The following UBTD1 variants were observed in gnomAD, a reference collection of about 807,000 sequenced individuals.
UBTD1 encodes the protein ubiquitin domain-containing protein 1.
UBTD1 carries 19 observed loss-of-function variants against 21.7 expected under a neutral mutation model. The observed-to-expected ratio is 0.87, with a 90% CI of 0.61 to 1.28. The LOEUF is 1.28. Ranked by LOEUF, UBTD1 falls within the 50% of genes most tolerant of loss-of-function variation. The pLI, the probability that UBTD1 is intolerant of heterozygous loss-of-function variation, is 0.00. For synonymous variants in UBTD1, 116 were observed against 135.1 expected, an observed-to-expected ratio of 0.86 and a Z score of 0.98; for missense variants, 282 against 315.1, an observed-to-expected ratio of 0.89 and a Z score of 0.80.
chr10:97,534,583 A>G (rs202247424), intron 1 of UBTD1, among the ~76,000 whole-genome samples: 18 of 33,100 alleles, frequency 5.4e-4, no homozygotes, highest in African/African-American at 6.8e-4. Flanking sequence ...GCGCGCGCAC[A>G]CACACACACA....
At chr10:97,556,334 G>A (rs1564743823) in intron 1 of UBTD1, among the ~76,000 whole-genome samples, 1 of 152,018 alleles carries the variant, frequency 6.6e-6, no homozygotes, top group Non-Finnish European at 1.5e-5. Flanking sequence ...CAATTAGTAA[G>A]GTTAAATTTT....
At chr10:97,526,696 C>G (rs893451825) in intron 1 of UBTD1, among the ~76,000 whole-genome samples, 4 of 151,280 alleles carry the variant, frequency 2.6e-5, no homozygotes, top group Admixed American at 2.6e-4. Flanking sequence ...ACTAAAAATA[C>G]AAAAGTCAGC....
At chr10:97,530,355 T>C (rs1290217695) in intron 1 of UBTD1, among the ~76,000 whole-genome samples, 1 of 152,216 alleles carries the variant, frequency 6.6e-6, no homozygotes, top group Non-Finnish European at 1.5e-5. Context: ...GGGGGAATGC[T>C]GGAGCCCAGG....
In UBTD1 at chr10:97,507,446, G is replaced by A. The variant is rs574688576; in HGVS notation, c.70+8173G>A. ...GAGGCCAGGAGTTCAAGAAAAACCCGGGCCACATAGTGAGACCTCGTCTCT... is the reference window on the plus strand; with the variant it reads ...GAGGCCAGGAGTTCAAGAAAAACCCAGGCCACATAGTGAGACCTCGTCTCT... On this transcript the variant is annotated intron_variant, in intron 1 of 2. Coordinates refer to ENST00000370664, the MANE Select transcript of UBTD1 (RefSeq NM_024954.5). Among the ~76,000 whole-genome samples the A allele has an allele frequency of 1.1e-4, 17 of 151,280 alleles. 1 individual carries two copies. The highest frequency in any genetic ancestry group is 6.8e-3 in the Middle Eastern group (2 of 294).
At chr10:97,541,700 G>A (rs1458343311) in intron 1 of UBTD1, among the ~76,000 whole-genome samples, 2 of 149,024 alleles carry the variant, frequency 1.3e-5, no homozygotes, top group African/African-American at 2.5e-5. Flanking sequence ...AGGGGGTGGA[G>A]TTGGGAGTTA....
chr10:97,550,642 G>T (rs1348243618), intron 1 of UBTD1, among the ~76,000 whole-genome samples: 1 of 152,184 alleles, frequency 6.6e-6, no homozygotes, highest in Non-Finnish European at 1.5e-5. Flanking sequence ...GATCTATTCA[G>T]CTAGGGTCTG....
At chr10:97,526,326 A>C (rs183962969) in intron 1 of UBTD1, among the ~76,000 whole-genome samples, 67 of 152,362 alleles carry the variant, frequency 4.4e-4, no homozygotes, top group Non-Finnish European at 1.0e-4. Context: ...GGACTTTATC[A>C]TAGAGAATGA....
At chr10:97,504,409 A>G (rs1451135191) in intron 1 of UBTD1, among the ~76,000 whole-genome samples, 2 of 152,154 alleles carry the variant, frequency 1.3e-5, no homozygotes, top group Non-Finnish European at 2.9e-5. Flanking sequence ...TTCTTAAGCC[A>G]TCTCATGCTC....
intron 1 of UBTD1, among the ~76,000 whole-genome samples, chr10:97,532,482 C>T (rs10882956): frequency 0.2 from 29,818 of 151,410 alleles, 3,371 homozygotes; most frequent in East Asian, 0.49. Context: ...CCCGTCTTTA[C>T]TAAAAATACA....
chr10:97,516,329 G>T lies in UBTD1; in HGVS notation c.70+17056G>T, dbSNP rs1890969. On this transcript the variant is annotated intron_variant, in intron 1 of 2. Coordinates refer to ENST00000370664, the MANE Select transcript of UBTD1 (RefSeq NM_024954.5). Reference sequence around the variant, plus strand: ...GGCCTCCCTCTTACAGAGGACCCAGGCTTCTCCTCTTACATGTCGGCGTGT... The same window carrying T: ...GGCCTCCCTCTTACAGAGGACCCAGTCTTCTCCTCTTACATGTCGGCGTGT... Among the ~76,000 whole-genome samples, 44 of 152,030 alleles carry T rather than the reference G, an allele frequency of 2.9e-4. No homozygotes were observed. In the South Asian group the frequency reaches 8.7e-3, roughly 30 times the overall value.
chr10:97,545,093 G>A (rs1282118447), intron 1 of UBTD1, among the ~76,000 whole-genome samples: 1 of 151,960 alleles, frequency 6.6e-6, no homozygotes, highest in Admixed American at 6.6e-5. Context: ...CTAGCACTTT[G>A]GGAGGCTGAG....
intron 1 of UBTD1, among the ~76,000 whole-genome samples, chr10:97,520,211 G>A (rs1219049933): frequency 6.6e-6 from 1 of 152,184 alleles, no homozygotes; most frequent in East Asian, 1.9e-4. Flanking sequence ...CAGTGATGGT[G>A]GATGCTGTTT....
chr10:97,501,112 C>T (rs2040374742), intron 1 of UBTD1, among the ~76,000 whole-genome samples: 1 of 152,142 alleles, frequency 6.6e-6, no homozygotes, highest in South Asian at 2.1e-4. Flanking sequence ...GCAAACCTGC[C>T]CCTTGCCACC....
intron 1 of UBTD1, among the ~76,000 whole-genome samples, chr10:97,528,800 G>T (rs1266680877): frequency 7.1e-6 from 1 of 141,366 alleles, no homozygotes; most frequent in Non-Finnish European, 1.6e-5. Context: ...CCCGGACGGG[G>T]CGGCTGGCCG....
intron 1 of UBTD1, among the ~76,000 whole-genome samples, chr10:97,504,021 A>G (rs2040388404): frequency 6.6e-6 from 1 of 152,012 alleles, no homozygotes; most frequent in South Asian, 2.1e-4. Flanking sequence ...TTCCCATCCC[A>G]GTTCATGATG....
intron 1 of UBTD1, among the ~76,000 whole-genome samples, chr10:97,519,160 T>G (rs2040456755): frequency 6.6e-6 from 1 of 152,226 alleles, no homozygotes; most frequent in Non-Finnish European, 1.5e-5. Context: ...AATAATAACG[T>G]GCTCAAAGGA....
intron 1 of UBTD1, among the ~76,000 whole-genome samples, chr10:97,516,088 G>C (rs2040443023): frequency 6.6e-6 from 1 of 152,204 alleles, no homozygotes; most frequent in African/African-American, 2.4e-5. Context: ...TTTTCCAGTT[G>C]GGGCTGTCAG....
At chr10:97,561,768 A>G (rs1209599317) in intron 1 of UBTD1, among the ~76,000 whole-genome samples, 1 of 151,440 alleles carries the variant, frequency 6.6e-6, no homozygotes, top group African/African-American at 2.4e-5. Flanking sequence ...TGAGTATAAA[A>G]CCATATAAAA....
At chr10:97,499,396 G>A in intron 1 of UBTD1, 123 bp downstream of exon 1, 1 of 1,264,108 alleles carries the variant, frequency 7.9e-7, no homozygotes, top group Non-Finnish European at 1.1e-6. Flanking sequence ...CCGATGGGCT[G>A]CTCCGCAGCC....
Sources: gnomAD v4.1 joint callset for allele counts (sites outside exome capture counted in the v4.1 genomes callset) on GRCh38, gnomAD v4.1.1 for gene constraint, MANE v1.5 for transcripts, NCBI Gene and HGNC (gene_info 2026-07-23, HGNC 2026-07-21) for gene names.